The following RIN2 variants were observed in gnomAD, a reference collection of about 807,000 sequenced individuals.
The protein encoded by RIN2 is Ras and Rab interactor 2, also known as RAB5 interacting protein 2.
RIN2 carries 36 observed loss-of-function variants against 78.0 expected under a neutral mutation model. The observed-to-expected ratio is 0.46, with a 90% CI of 0.35 to 0.61. The LOEUF is 0.61. Among genes scored for constraint, RIN2 ranks in the 20% least tolerant of loss-of-function variants. RIN2 has a pLI of 0.00. For synonymous variants in RIN2, 466 were observed against 466.8 expected (o/e 1.00, Z 0.02); for missense variants, 1,087 against 1,159.7 (o/e 0.94, Z 0.91).
At chr20:19,984,457 G>C (rs1168510556) in intron 9 of RIN2, among the ~76,000 whole-genome samples, 3 of 152,140 alleles carry the variant, frequency 2.0e-5, no homozygotes, top group Non-Finnish European at 2.9e-5. Flanking sequence ...GAAAGGAACA[G>C]TAAAAATACG....
chr20:19,904,239 A>AT (rs1568592128), intron 3 of RIN2, among the ~76,000 whole-genome samples: 6 of 116,224 alleles, frequency 5.2e-5, no homozygotes, highest in African/African-American at 1.2e-4. Flanking sequence ...CTCAAAAAAA[A>AT]AATATATATA....
chr20:19,962,186 T>G (rs931662973), intron 6 of RIN2, among the ~76,000 whole-genome samples: 1 of 151,030 alleles, frequency 6.6e-6, no homozygotes, highest in African/African-American at 2.4e-5. Flanking sequence ...ACGCCTGTAG[T>G]CCCAGCTACT....
chr20:19,937,352 G>A (rs965854545), intron 4 of RIN2, among the ~76,000 whole-genome samples: 1 of 152,168 alleles, frequency 6.6e-6, no homozygotes, highest in Non-Finnish European at 1.5e-5. Context: ...GGCGAGCACC[G>A]CCCGGGCCCC....
In RIN2 at chr20:19,844,698, C is replaced by CTTCTTCT. The variant is rs2036720210; in HGVS notation, c.-36-44867_-36-44866insTCTTCTT. ...CTTCTTCTTCTTCCTCTTCCTCTTC[C>CTTCTTCT]TCTTCTTCTTCTTCTTCTTCTTCTT... On this transcript the variant is annotated intron_variant, in intron 2 of 12. Coordinates refer to ENST00000255006, the MANE Select transcript of RIN2 (RefSeq NM_018993.4). Among the ~76,000 whole-genome samples the CTTCTTCT allele has an allele frequency of 8.1e-3, 213 of 26,330 alleles. 17 individuals are homozygous for CTTCTTCT. Among genetic ancestry groups the CTTCTTCT allele is most frequent in the African/African-American group, 0.021 (180 of 8,660 alleles). 17.3% of individuals were successfully genotyped at this position (26,330 alleles called of 152,430 possible).
In RIN2 at chr20:19,904,262, A is replaced by T. The variant is rs181364039; in HGVS notation, c.57+14604A>T. 8.7e-3 allele frequency among the ~76,000 whole-genome samples: 1,280 copies of T among 147,262 alleles called. 16 individuals carry two copies. Among genetic ancestry groups the T allele is most frequent in the African/African-American group, 0.03 (1,229 of 40,544 alleles). ...AAAAATATATATATATATATATATA[A>T]AATATATATATATATTTGCTGGATG... is the stretch of plus-strand genomic sequence containing the variant. On this transcript the variant is annotated intron_variant, in intron 3 of 12. Coordinates refer to ENST00000255006, the MANE Select transcript of RIN2 (RefSeq NM_018993.4).
chr20:19,905,965 T>C (rs549682184), intron 3 of RIN2, among the ~76,000 whole-genome samples: 1 of 152,224 alleles, frequency 6.6e-6, no homozygotes, highest in Non-Finnish European at 1.5e-5. Context: ...TCAAAGGTAG[T>C]CTTGAGTGTA....
chr20:19,850,990 AAAGGAAGG>A (rs199637524), intron 2 of RIN2, among the ~76,000 whole-genome samples: 20,065 of 99,016 alleles, frequency 0.2, 2,617 homozygotes, highest in East Asian at 0.36. Flanking sequence ...GAAAGGGAGA[AAAGGAAGG>A]AAGGAAGGAA....
intron 1 of RIN2, among the ~76,000 whole-genome samples, chr20:19,792,499 A>G (rs763347159): frequency 6.6e-6 from 1 of 152,172 alleles, no homozygotes; most frequent in Non-Finnish European, 1.5e-5. Context: ...TGTGAGAAAG[A>G]CACTTGAACT....
intron 1 of RIN2, among the ~76,000 whole-genome samples, chr20:19,759,072 T>C (rs991819637): frequency 2.0e-5 from 3 of 152,202 alleles, no homozygotes; most frequent in Non-Finnish European, 4.4e-5. Flanking sequence ...ACCCTTGGCC[T>C]GGGCTCCCAC....
intron 7 of RIN2, among the ~76,000 whole-genome samples, chr20:19,965,889 G>A (rs533689238): frequency 6.6e-6 from 1 of 152,310 alleles, no homozygotes; most frequent in Non-Finnish European, 1.5e-5. Context: ...TGGGATCACA[G>A]GTGTGAGCCA....
chr20:19,955,671 T>C (rs1266394239), intron 4 of RIN2, among the ~76,000 whole-genome samples: 1 of 152,132 alleles, frequency 6.6e-6, no homozygotes, highest in African/African-American at 2.4e-5. Context: ...CTGACAGACA[T>C]TTGGGTTGTT....
chr20:19,845,340 A>C (rs563555824), intron 2 of RIN2, among the ~76,000 whole-genome samples: 6 of 152,170 alleles, frequency 3.9e-5, no homozygotes, highest in Non-Finnish European at 8.8e-5. Context: ...ACTAATTTAC[A>C]CTCCCACCAA....
intron 3 of RIN2, among the ~76,000 whole-genome samples, chr20:19,915,614 A>G (rs1340126245): frequency 6.6e-6 from 1 of 152,224 alleles, no homozygotes; most frequent in Non-Finnish European, 1.5e-5. Flanking sequence ...CAGGTTCCAA[A>G]TGAGGAACAA....
At chr20:19,810,573 G>GTGC in intron 2 of RIN2, among the ~76,000 whole-genome samples, 2 of 152,150 alleles carry the variant, frequency 1.3e-5, no homozygotes, top group South Asian at 4.2e-4. Flanking sequence ...ACATCAGCCG[G>GTGC]TGCTGCTCCC....
chr20:19,879,460 T>C (rs1031660203), intron 2 of RIN2, among the ~76,000 whole-genome samples: 2 of 152,216 alleles, frequency 1.3e-5, no homozygotes, highest in Non-Finnish European at 2.9e-5. Context: ...TATTAGACAC[T>C]GTGCTTCCGC....
At chr20:19,879,975 G>A (rs966269035) in intron 2 of RIN2, among the ~76,000 whole-genome samples, 4 of 152,066 alleles carry the variant, frequency 2.6e-5, no homozygotes, top group African/African-American at 9.7e-5. Flanking sequence ...TTTCCAGACC[G>A]GTTGCAGTGG....
Position 19,975,655 on chromosome 20 carries a change from A to G in RIN2, c.1630A>G (p.Lys544Glu). The part of the protein sequence containing the change: ...QDYVSFLQEN[K>E]ECHVSSTDML... ...CTACGTGAGCTTCCTGCAGGAGAAC[A>G]AGGAGTGCCACGTGTCCAGCACCGA... is the stretch of plus-strand genomic sequence containing the variant. Residue 544 changes from lysine (K) to glutamate (E), a missense_variant, in exon 9 of 13, where the codon AAG becomes GAG. This residue lies in a region of RIN2 where 34 missense variants were observed against 46.1 expected (regional missense o/e 0.74). Transcript: ENST00000255006. This position sits in a 1 kb window ranked among gnomAD's most constrained non-coding sequence, Gnocchi z 4.9. The G allele has an allele frequency of 6.2e-7, 1 of 1,613,698 alleles. No individual in the cohort carries two copies. Among genetic ancestry groups the G allele is most frequent in the African/African-American group, 1.3e-5 (1 of 75,014 alleles).
intron 3 of RIN2, among the ~76,000 whole-genome samples, chr20:19,899,405 G>A (rs1191672468): frequency 6.6e-6 from 1 of 152,184 alleles, no homozygotes; most frequent in African/African-American, 2.4e-5. Flanking sequence ...CTTTATGGTG[G>A]CATGTAGAAA....
At chr20:19,968,450 AGTGTGTGTGCGTGTGCATGCATGTGCAT>A (rs2042006277) in intron 7 of RIN2, among the ~76,000 whole-genome samples, 1 of 151,868 alleles carries the variant, frequency 6.6e-6, no homozygotes, top group Non-Finnish European at 1.5e-5. Flanking sequence ...TCCCTGTGTG[AGTGTGTGTGCGTGTGCATGCATGTGCAT>A]GTGTGTGTGC....
Sources: gnomAD v4.1 joint callset for allele counts (sites outside exome capture counted in the v4.1 genomes callset) on GRCh38, gnomAD v4.1.1 for gene constraint, gnomAD v4.1.1 regional missense constraint, Gnocchi (gnomAD v3.1) non-coding constraint, MANE v1.5 for transcripts, NCBI Gene and HGNC (gene_info 2026-07-23, HGNC 2026-07-21) for gene names.